Variants in BST1 observed in about 807,000 individuals in gnomAD.
The protein encoded by BST1 is bone marrow stromal cell antigen 1, also known as ADP-ribosyl cyclase/cyclic ADP-ribose hydrolase 2.
A neutral mutation model predicts 40.6 loss-of-function variants in BST1; 49 were observed. The observed-to-expected ratio is 1.21, with a 90% confidence interval of 0.96 to 1.53. The LOEUF is 1.53. Among genes scored for constraint, BST1 ranks in the 40% most tolerant of loss-of-function variants. BST1 has a pLI of 0.00. For missense variants in BST1, 423 were observed against 395.9 expected (o/e 1.07, Z -0.58); for synonymous variants, 157 against 159.3 (o/e 0.99, Z 0.11).
chr4:15,766,040 A>G, the BST1 span, among the ~76,000 whole-genome samples: 4 of 151,988 alleles, frequency 2.6e-5, no homozygotes, highest in Non-Finnish European at 5.9e-5. Flanking sequence ...GAATTGCATT[A>G]CAGTGTGATA....
At chr4:15,709,055 G>A (rs918775263) in intron 3 of BST1, among the ~76,000 whole-genome samples, 2 of 152,164 alleles carry the variant, frequency 1.3e-5, no homozygotes, top group East Asian at 1.9e-4. Flanking sequence ...TTATAGGAGG[G>A]CAGATAAGAC....
chr4:15,774,025 A>G, the BST1 span, among the ~76,000 whole-genome samples: 1 of 152,202 alleles, frequency 6.6e-6, no homozygotes, highest in Admixed American at 6.5e-5. Flanking sequence ...ATAGGGTAAT[A>G]GCTTCAAAAA....
intron 2 of BST1, among the ~76,000 whole-genome samples, chr4:15,706,577 G>T: frequency 6.6e-6 from 1 of 152,160 alleles, no homozygotes; most frequent in African/African-American, 2.4e-5. Context: ...CAAGTTTAAG[G>T]AATGCTAGAC....
downstream of BST1, among the ~76,000 whole-genome samples, chr4:15,739,701 T>C (rs1721692592): frequency 6.6e-6 from 1 of 152,126 alleles, no homozygotes; most frequent in Non-Finnish European, 1.5e-5. Flanking sequence ...AGATGGTGCT[T>C]GTAAAATTTT....
At chr4:15,725,922 G>T in intron 8 of BST1, among the ~76,000 whole-genome samples, 1 of 141,084 alleles carries the variant, frequency 7.1e-6, no homozygotes, top group African/African-American at 2.6e-5. Context: ...TTTATCTTCT[G>T]ACTGACCTAC....
chr4:15,709,762 G>T (rs566427269), intron 3 of BST1, among the ~76,000 whole-genome samples: 87 of 152,038 alleles, frequency 5.7e-4, no homozygotes, highest in African/African-American at 2.0e-3. Context: ...ATGGTGATGG[G>T]GTTTTTTATT....
chr4:15,709,870 T>C lies in BST1; in HGVS notation c.452-1937T>C, dbSNP rs146237020. On this transcript the variant is annotated intron_variant, in intron 3 of 8. Coordinates refer to ENST00000265016, the MANE Select transcript of BST1 (RefSeq NM_004334.3). ...TTCAAATAAAAACACATATACACAA[T>C]ACATCTATGTAAATAAACACAGAAA... Among the ~76,000 whole-genome samples, 291 of 152,272 alleles carry C rather than the reference T, an allele frequency of 1.9e-3. 2 individuals are homozygous for C. Among genetic ancestry groups the C allele is most frequent in the African/African-American group, 6.8e-3 (281 of 41,546 alleles).
chr4:15,750,953 A>T, the BST1 span, among the ~76,000 whole-genome samples: 2 of 152,156 alleles, frequency 1.3e-5, no homozygotes, highest in African/African-American at 4.8e-5. Flanking sequence ...AAAACTCATT[A>T]TGGTAGGTTC....
intron 8 of BST1, among the ~76,000 whole-genome samples, chr4:15,729,665 A>G (rs1233908259): frequency 6.6e-6 from 1 of 152,226 alleles, no homozygotes; most frequent in African/African-American, 2.4e-5. Context: ...ATCAATTTTA[A>G]AAATCAAAGT....
chr4:15,751,560 T>C, the BST1 span, among the ~76,000 whole-genome samples: 1 of 152,298 alleles, frequency 6.6e-6, no homozygotes, highest in East Asian at 1.9e-4. Context: ...GAGATCTAGA[T>C]ATATACATTA....
chr4:15,766,175 G>A, the BST1 span, among the ~76,000 whole-genome samples: 1 of 151,904 alleles, frequency 6.6e-6, no homozygotes, highest in African/African-American at 2.4e-5. Flanking sequence ...AGGTAGGGTG[G>A]CAAAACTGTC....
chr4:15,731,470 C>T (rs4328911), intron 8 of BST1: 8 of 886,756 alleles, frequency 9.0e-6, no homozygotes, highest in South Asian at 4.1e-5. Context: ...TTAAGCCTGA[C>T]GGTGCCCGAG....
chr4:15,735,906 G>T (rs535156724), downstream of BST1: 3 of 310,886 alleles, frequency 9.6e-6, no homozygotes, highest in South Asian at 3.0e-5. Context: ...CTTTTTTCCC[G>T]AATATAAGAG....
At position 15,715,809 on chromosome 4, in the gene BST1, G is replaced by A. The variant is rs774118186; in HGVS notation, c.704+10G>A. On this transcript the variant is annotated intron_variant, in intron 6 of 8. Transcript: ENST00000265016. ...TTGGGGGACCCAATGTGTAAGTTATGGTGATATTGATGATGATAATTGCAC... is the reference window on the plus strand; with the variant it reads ...TTGGGGGACCCAATGTGTAAGTTATAGTGATATTGATGATGATAATTGCAC... 5 of 1,534,820 alleles carry A rather than the reference G, an allele frequency of 3.3e-6. No homozygotes were observed. The highest frequency in any genetic ancestry group is 4.4e-6 in the Non-Finnish European group (5 of 1,134,918).
the BST1 span, among the ~76,000 whole-genome samples, chr4:15,755,281 G>T: frequency 6.6e-6 from 1 of 152,106 alleles, no homozygotes; most frequent in African/African-American, 2.4e-5. Context: ...TGGGATTACA[G>T]GTGTGCACCA....
downstream of BST1, among the ~76,000 whole-genome samples, chr4:15,733,914 T>G (rs954991425): frequency 6.6e-6 from 1 of 152,224 alleles, no homozygotes; most frequent in Non-Finnish European, 1.5e-5. Flanking sequence ...ATTTGTAGAA[T>G]GGAGTATCAT....
chr4:15,741,390 GA>G (rs1466811936), downstream of BST1, among the ~76,000 whole-genome samples: 1 of 152,178 alleles, frequency 6.6e-6, no homozygotes, highest in Non-Finnish European at 1.5e-5. Flanking sequence ...GGAAGGGTAG[GA>G]AGAGGAAAGC....
intron 6 of BST1, 60 bp from the exon 7 acceptor site, chr4:15,718,847 A>T (rs1720651762): frequency 6.9e-7 from 1 of 1,451,674 alleles, no homozygotes; most frequent in Non-Finnish European, 9.5e-7. Flanking sequence ...TAACCCAGAA[A>T]CAACTTCCTC....
intron 8 of BST1, among the ~76,000 whole-genome samples, chr4:15,726,175 A>G (rs1721104799): frequency 7.2e-6 from 1 of 138,746 alleles, no homozygotes; most frequent in Non-Finnish European, 1.5e-5. Context: ...AGGTCTCACT[A>G]TATTGCCCAT....
Sources: allele counts gnomAD v4.1 joint callset (sites outside exome capture counted in the v4.1 genomes callset), GRCh38; gene constraint gnomAD v4.1.1; transcripts MANE v1.5; gene names NCBI Gene and HGNC (gene_info 2026-07-23, HGNC 2026-07-21).